The following PTPRN2 variants were observed in gnomAD, a reference collection of about 807,000 sequenced individuals.
The protein encoded by PTPRN2 is receptor-type tyrosine-protein phosphatase N2.
PTPRN2 carries 74 observed loss-of-function variants against 118.8 expected under a neutral mutation model. The ratio of observed to expected loss-of-function variants is 0.62; its 90% confidence interval spans 0.52 to 0.76. The LOEUF is 0.76. Ranked by LOEUF, PTPRN2 falls within the 30% of genes least tolerant of loss-of-function variation. The pLI is 0.00. For synonymous variants in PTPRN2, 641 were observed against 608.0 expected, an observed-to-expected ratio of 1.05 and a Z score of -0.80; for missense variants, 1,481 against 1,394.4, an observed-to-expected ratio of 1.06 and a Z score of -0.99.
At chr7:157,746,916 C>A (rs1156778018) in intron 12 of PTPRN2, among the ~76,000 whole-genome samples, 3 of 151,512 alleles carry the variant, frequency 2.0e-5, no homozygotes, top group Non-Finnish European at 4.4e-5. Context: ...GATTCTGAGG[C>A]CTGCGTCCCT....
intron 12 of PTPRN2, among the ~76,000 whole-genome samples, chr7:157,686,727 C>T (rs1309790886): frequency 2.7e-4 from 41 of 152,146 alleles, no homozygotes; most frequent in Admixed American, 2.6e-3. Flanking sequence ...TTCTGTACAG[C>T]GGCAGCTCAA....
At chr7:157,641,105 G>A (rs1021367838) in intron 14 of PTPRN2, among the ~76,000 whole-genome samples, 2 of 152,220 alleles carry the variant, frequency 1.3e-5, no homozygotes, top group Non-Finnish European at 2.9e-5. Flanking sequence ...GTCAGAGGGA[G>A]GTAGCTGAGG....
intron 11 of PTPRN2, among the ~76,000 whole-genome samples, chr7:157,985,777 C>A (rs889394203): frequency 3.3e-5 from 5 of 152,200 alleles, no homozygotes; most frequent in African/African-American, 1.2e-4. Context: ...TGCACGGAAA[C>A]CATGCATCCA....
rs188690638 is a variant in PTPRN2 at position 158,304,398 on chromosome 7, T to G, written c.277+12421A>C. On this transcript the variant is annotated intron_variant, in intron 3 of 22. Coordinates refer to ENST00000389418, the MANE Select transcript of PTPRN2 (RefSeq NM_002847.5). The stretch of plus-strand genomic sequence containing the variant: ...GGGAGGCATAAGACATCCGTCAATA[T>G]GCTAAGACGTACACAGGCTTGGATT... Among the ~76,000 whole-genome samples the G allele has an allele frequency of 1.8e-3, 224 of 124,098 alleles. 1 individual carries two copies. Among genetic ancestry groups the G allele is most frequent in the African/African-American group, 6.7e-3 (204 of 30,566 alleles). 81.4% of individuals were successfully genotyped at this position (124,098 alleles called of 152,430 possible).
At chr7:158,409,694 C>A (rs1483052741) in intron 2 of PTPRN2, among the ~76,000 whole-genome samples, 1 of 152,160 alleles carries the variant, frequency 6.6e-6, no homozygotes, top group Non-Finnish European at 1.5e-5. Flanking sequence ...GGCTTTCAAC[C>A]TCACCTGCCA....
chr7:158,130,885 G>T (rs60942153), intron 9 of PTPRN2, among the ~76,000 whole-genome samples: 2 of 135,702 alleles, frequency 1.5e-5, no homozygotes, highest in Admixed American at 1.5e-4. Flanking sequence ...ATGCATATAC[G>T]CACAAACCGA....
intron 11 of PTPRN2, among the ~76,000 whole-genome samples, chr7:157,907,375 C>G (rs1797831940): frequency 6.6e-6 from 1 of 150,692 alleles, no homozygotes; most frequent in African/African-American, 2.5e-5. Flanking sequence ...TGTGGGGTGT[C>G]CCGGGTGGCA....
At chr7:158,428,119 T>C (rs547636990) in intron 2 of PTPRN2, among the ~76,000 whole-genome samples, 1 of 152,346 alleles carries the variant, frequency 6.6e-6, no homozygotes, top group East Asian at 1.9e-4. Flanking sequence ...AAGAAGGTTA[T>C]GATGAAACCA....
intron 14 of PTPRN2, among the ~76,000 whole-genome samples, chr7:157,623,212 A>C (rs1302699324): frequency 6.6e-6 from 1 of 152,256 alleles, no homozygotes; most frequent in Admixed American, 6.5e-5. Flanking sequence ...ATAATATTTA[A>C]GTTTTGTGAA....
At chr7:158,075,516 C>T (rs889454666) in intron 11 of PTPRN2, among the ~76,000 whole-genome samples, 3 of 152,188 alleles carry the variant, frequency 2.0e-5, no homozygotes, top group Admixed American at 1.3e-4. Flanking sequence ...CGCAGCAGGT[C>T]CAGCAGGAGA....
chr7:158,386,496 G>A (rs139480383), intron 2 of PTPRN2, among the ~76,000 whole-genome samples: 366 of 152,056 alleles, frequency 2.4e-3, no homozygotes, highest in African/African-American at 8.2e-3. Context: ...AATTCCCCTC[G>A]GGACCAGGGT....
At position 157,621,430 on chromosome 7, in the gene PTPRN2, G is replaced by A. The variant is rs150434369; in HGVS notation, c.2276C>T (p.Pro759Leu). 909 of 1,613,024 alleles carry A rather than the reference G, an allele frequency of 5.6e-4. No homozygotes were observed. The highest frequency in any genetic ancestry group is 7.2e-4 in the Non-Finnish European group (845 of 1,179,186). The change falls in exon 15 of 23, where the codon CCC becomes CTC. Residue 759 changes from proline (P) to leucine (L), a missense_variant. This residue lies in a region of PTPRN2 where 362 missense variants were observed against 384.1 expected (regional missense o/e 0.94). Coordinates refer to ENST00000389418, the MANE Select transcript of PTPRN2 (RefSeq NM_002847.5). The stretch of plus-strand genomic sequence containing the variant: ...CCTCTGGGCCACGAACGAGCTGTTG[G>A]GCTCCGCCTGGTAGGCGCACAGCGC... ...WEALCAYQAEPNSSFVAQREE... is the reference protein window; with the variant it reads ...WEALCAYQAELNSSFVAQREE...
chr7:158,175,842 G>A (rs1225371211), intron 5 of PTPRN2, among the ~76,000 whole-genome samples: 1 of 152,148 alleles, frequency 6.6e-6, no homozygotes, highest in Non-Finnish European at 1.5e-5. Context: ...CTGGATATCT[G>A]CTAATGATGA....
intron 12 of PTPRN2, among the ~76,000 whole-genome samples, chr7:157,706,845 T>C (rs1031920004): frequency 2.8e-5 from 4 of 144,940 alleles, no homozygotes; most frequent in African/African-American, 1.0e-4. Context: ...TCCCTCCTGA[T>C]TGCCAGCAAA....
At chr7:158,430,940 C>T (rs1816126277) in intron 2 of PTPRN2, among the ~76,000 whole-genome samples, 1 of 152,194 alleles carries the variant, frequency 6.6e-6, no homozygotes, top group African/African-American at 2.4e-5. Context: ...GGAACCAAAG[C>T]AGACATGTTT....
At chr7:157,713,036 A>G (rs1007311167) in intron 12 of PTPRN2, among the ~76,000 whole-genome samples, 1 of 152,228 alleles carries the variant, frequency 6.6e-6, no homozygotes, top group Non-Finnish European at 1.5e-5. Context: ...CATGGGCCAC[A>G]CAGAACGTGG....
At chr7:158,582,453 C>T (rs2129452502) in intron 1 of PTPRN2, among the ~76,000 whole-genome samples, 1 of 152,094 alleles carries the variant, frequency 6.6e-6, no homozygotes, top group South Asian at 2.1e-4. Context: ...GGCACAGTGG[C>T]TATGCACGTA....
chr7:158,548,883 C>T (rs193220439), intron 1 of PTPRN2, among the ~76,000 whole-genome samples: 19 of 152,334 alleles, frequency 1.2e-4, no homozygotes, highest in Admixed American at 3.9e-4. Context: ...GGAGAGGAAC[C>T]GCAGTCCGTG....
chr7:157,765,239 C>T (rs928042396), intron 12 of PTPRN2, among the ~76,000 whole-genome samples: 8 of 151,372 alleles, frequency 5.3e-5, no homozygotes, highest in African/African-American at 1.9e-4. Context: ...TTCTTTCATC[C>T]ACCCACCCAC....
Sources: gnomAD v4.1 joint callset for allele counts (sites outside exome capture counted in the v4.1 genomes callset) on GRCh38, gnomAD v4.1.1 for gene constraint, gnomAD v4.1.1 regional missense constraint, MANE v1.5 for transcripts, NCBI Gene and HGNC (gene_info 2026-07-23, HGNC 2026-07-21) for gene names.